RC3H1: variants seen among roughly 807,000 people sequenced by gnomAD.
RC3H1 encodes the protein ring finger and CCCH-type domains 1.
Under a neutral mutation model 138.2 loss-of-function variants are expected in RC3H1, and 50 were observed. That is an observed-to-expected ratio of 0.36 (90% CI 0.29 to 0.46). RC3H1 has a LOEUF of 0.46. Among genes scored for constraint, RC3H1 ranks in the 20% least tolerant of loss-of-function variants. RC3H1 has a pLI of 1.00. For missense variants in RC3H1, 1,031 were observed against 1,388.1 expected (o/e 0.74, Z 4.09); for synonymous variants, 462 against 489.1 (o/e 0.94, Z 0.73).
Position 173,931,417 on chromosome 1 carries a change from A to G in RC3H1, c.*7304T>C, listed in dbSNP as rs1466076019. The G allele has an allele frequency of 6.6e-6, 1 of 152,232 alleles. No homozygotes were observed. Among genetic ancestry groups the G allele is most frequent in the Non-Finnish European group, 1.5e-5 (1 of 68,036 alleles). 9.4% of individuals were successfully genotyped at this position (152,232 alleles called of 1,614,324 possible). A position where few individuals can be genotyped will look rare whatever the true frequency, so the allele number is the denominator to read the frequency against. On this transcript the variant is annotated 3_prime_UTR_variant, in exon 20 of 20. Transcript: ENST00000367696. Reference sequence around the variant, plus strand: ...AGTCAGTTTCCAAGGTAATAAAGGAAATAGCATTTTAACAAAATGGGCATC... The same window carrying G: ...AGTCAGTTTCCAAGGTAATAAAGGAGATAGCATTTTAACAAAATGGGCATC...
rs192756081 is a variant in RC3H1, at chr1:173,951,621, C to T, written c.2523+365G>A. Among the ~76,000 whole-genome samples, 644 of 152,192 alleles carry T rather than the reference C, an allele frequency of 4.2e-3. 4 individuals carry two copies. The highest frequency in any genetic ancestry group is 4.6e-3 in the South Asian group (22 of 4,826). Reference sequence around the variant, plus strand: ...AGTGGCACGATCTTGGCTCACTGCACGCTCTGGCCTCCCGGGTTCATGCCA... The same window carrying T: ...AGTGGCACGATCTTGGCTCACTGCATGCTCTGGCCTCCCGGGTTCATGCCA... On this transcript the variant is annotated intron_variant, in intron 14 of 19. Transcript: ENST00000367696.
At chr1:173,971,117 G>A (rs948038584) in intron 8 of RC3H1, among the ~76,000 whole-genome samples, 5 of 151,558 alleles carry the variant, frequency 3.3e-5, no homozygotes, top group Non-Finnish European at 5.9e-5. Context: ...GTCCACCACC[G>A]CACCTGGCTA....
At position 173,938,664 on chromosome 1, in the gene RC3H1, C is replaced by G; in HGVS notation, c.*57G>C. The stretch of plus-strand genomic sequence containing the variant: ...AGTTTAGAAGTTATGCGTTCTCCTA[C>G]CCCTATGCCCGACAAACTGATTAGG... On this transcript the variant is annotated 3_prime_UTR_variant, in exon 20 of 20. Coordinates refer to ENST00000367696, the MANE Select transcript of RC3H1 (RefSeq NM_172071.4). The G allele has an allele frequency of 7.4e-7, 1 of 1,343,396 alleles. No homozygotes were observed. The highest frequency in any genetic ancestry group is 1.5e-5 in the African/African-American group (1 of 67,950). 83.2% of individuals were successfully genotyped at this position (1,343,396 alleles called of 1,614,324 possible).
intron 2 of RC3H1, among the ~76,000 whole-genome samples, chr1:173,987,019 G>A (rs560058588): frequency 6.6e-6 from 1 of 152,140 alleles, no homozygotes; most frequent in East Asian, 1.9e-4. Context: ...GAGTATATTG[G>A]GGTTATGGAT....
chr1:173,975,698 A>G (rs1660546524), intron 7 of RC3H1, among the ~76,000 whole-genome samples: 1 of 103,652 alleles, frequency 9.6e-6, no homozygotes, highest in African/African-American at 8.5e-5. Context: ...GGAGATCGAG[A>G]CCATCCTGGC....
chr1:173,961,819 G>C lies in RC3H1; in HGVS notation c.2108C>G (p.Ser703Trp). 6.2e-7 allele frequency: 1 copy of C among 1,613,814 alleles called. No homozygotes were observed. Among genetic ancestry groups the C allele is most frequent in the Non-Finnish European group, 8.5e-7 (1 of 1,179,988 alleles). Residue 703 changes from serine to tryptophan, a missense_variant, in exon 12 of 20, where the codon TCG becomes TGG. Coordinates refer to ENST00000367696, the MANE Select transcript of RC3H1 (RefSeq NM_172071.4). Reference sequence around the variant, plus strand: ...TCTTTCTCTGGATTCTGGTACATACGATGGTACTGCTGCAGGTGGAATCTC... The same window carrying C: ...TCTTTCTCTGGATTCTGGTACATACCATGGTACTGCTGCAGGTGGAATCTC... The part of the protein sequence containing the change: ...PIEIPPAAVP[S>W]YVPESRERYQ...
At chr1:173,981,948 T>C (rs992559927) in intron 5 of RC3H1, among the ~76,000 whole-genome samples, 3 of 151,590 alleles carry the variant, frequency 2.0e-5, no homozygotes, top group South Asian at 2.1e-4. Flanking sequence ...AAATGATACA[T>C]AGTGAGTAGC....
Position 173,937,538 on chromosome 1 carries a change from C to T in RC3H1, c.*1183G>A, listed in dbSNP as rs1210720630. Reference sequence around the variant, plus strand: ...AGAATTAAAAAAAAAAAAAACCTTACTCTTTTCAATATTTTCATGAAGAAA... The same window carrying T: ...AGAATTAAAAAAAAAAAAAACCTTATTCTTTTCAATATTTTCATGAAGAAA... On this transcript the variant is annotated 3_prime_UTR_variant, in exon 20 of 20. Transcript: ENST00000367696. 1 of 151,874 alleles carries T rather than the reference C, an allele frequency of 6.6e-6. No homozygotes were observed. The highest frequency in any genetic ancestry group is 1.5e-5 in the Non-Finnish European group (1 of 67,908). 9.4% of individuals were successfully genotyped at this position (151,874 alleles called of 1,614,324 possible).
intron 14 of RC3H1, among the ~76,000 whole-genome samples, chr1:173,951,740 G>C (rs1391115912): frequency 6.6e-6 from 1 of 151,820 alleles, no homozygotes; most frequent in African/African-American, 2.4e-5. Flanking sequence ...ATAAACAATT[G>C]TTGAGAAATT....
Position 173,983,506 on chromosome 1 carries a change from C to T in RC3H1, c.504G>A (p.Glu168=). Residue 168 remains glutamate, a synonymous_variant, in exon 4 of 20, where the codon GAG becomes GAA. Coordinates refer to ENST00000367696, the MANE Select transcript of RC3H1 (RefSeq NM_172071.4). The part of the protein sequence containing the change: ...ARSLGERTVT[E]LILQHQNPQQ... ...GAGGATTCTGGTGCTGGAGAATGAGCTCTGTAACTGTTCGTTCACCTAAAG... is the reference window on the plus strand; with the variant it reads ...GAGGATTCTGGTGCTGGAGAATGAGTTCTGTAACTGTTCGTTCACCTAAAG... The T allele has an allele frequency of 1.9e-6, 3 of 1,614,202 alleles. No homozygotes were observed. The highest frequency in any genetic ancestry group is 2.5e-6 in the Non-Finnish European group (3 of 1,180,036).
rs1327825750 is a variant in RC3H1, at chr1:173,952,013, A to G, written c.2496T>C (p.Val832=). The change falls in exon 14 of 20, where the codon GTT becomes GTC. Residue 832 remains valine (V), a synonymous_variant. Coordinates refer to ENST00000367696, the MANE Select transcript of RC3H1 (RefSeq NM_172071.4). ...TCATTTCCACACTCCCTGCTGCCAC[A>G]ACATCTTTGGGTTTTGCATCTTTGG... ...IGTKDAKPKD[V]VAAGSVEMMN... is the part of the protein sequence containing the mutation. 6.2e-7 allele frequency: 1 copy of G among 1,608,910 alleles called. No homozygotes were observed. Among genetic ancestry groups the G allele is most frequent in the Non-Finnish European group, 8.5e-7 (1 of 1,177,426 alleles).
intron 7 of RC3H1, among the ~76,000 whole-genome samples, chr1:173,978,121 A>G (rs1660661313): frequency 6.6e-6 from 1 of 152,196 alleles, no homozygotes; most frequent in Non-Finnish European, 1.5e-5. Flanking sequence ...CAAAAACAGG[A>G]TCAAGGAAAT....
chr1:173,958,193 A>T (rs1659725390), intron 13 of RC3H1, among the ~76,000 whole-genome samples: 1 of 152,194 alleles, frequency 6.6e-6, no homozygotes, highest in Non-Finnish European at 1.5e-5. Context: ...AAAAAATACA[A>T]ACTATAAGCT....
chr1:173,983,372 C>CTTTTA (rs758698642), intron 4 of RC3H1, 46 bp downstream of exon 4: 2 of 1,604,010 alleles, frequency 1.2e-6, no homozygotes, highest in Non-Finnish European at 1.7e-6. Context: ...CTACATCATA[C>CTTTTA]TTTTAGAATT....
At chr1:173,955,596 G>A (rs1002441328) in intron 13 of RC3H1, among the ~76,000 whole-genome samples, 4 of 151,934 alleles carry the variant, frequency 2.6e-5, no homozygotes, top group Non-Finnish European at 5.9e-5. Context: ...TGGGATTACA[G>A]GTGTGAGCCA....
chr1:173,949,135 G>GGT (rs1659271896), intron 14 of RC3H1, among the ~76,000 whole-genome samples: 1 of 100,634 alleles, frequency 9.9e-6, no homozygotes, highest in African/African-American at 3.3e-5. Context: ...TTTTTGGGGG[G>GGT]GGGGGTGGGG....
chr1:173,977,692 C>G (rs1003138711), intron 7 of RC3H1, among the ~76,000 whole-genome samples: 26 of 152,236 alleles, frequency 1.7e-4, no homozygotes, highest in African/African-American at 6.0e-4. Context: ...ACCATCAGAG[C>G]ATGTAGAGAA....
intron 9 of RC3H1, among the ~76,000 whole-genome samples, chr1:173,966,778 T>C (rs554383824): frequency 6.6e-6 from 1 of 152,186 alleles, no homozygotes; most frequent in South Asian, 2.1e-4. Flanking sequence ...ATAATGCTAT[T>C]TTTCCACGTT....
chr1:173,964,116 G>A lies in RC3H1; in HGVS notation c.1688C>T (p.Ala563Val). ...NPHSIPPRGP[A>V]DLPPMPVTKP... ...GGTAACAGGCATTGGAGGCAGATCT[G>A]CTGGCCCCCTTGGAGGTATAGAATG... Residue 563 changes from alanine to valine, a missense_variant, in exon 11 of 20, where the codon GCA becomes GTA. Physicochemically the swap from Ala to Val is moderately conservative, Grantham distance 64. Coordinates refer to ENST00000367696, the MANE Select transcript of RC3H1 (RefSeq NM_172071.4). 1.9e-6 allele frequency: 3 copies of A among 1,614,082 alleles called. No individual in the cohort carries two copies. The highest frequency in any genetic ancestry group is 1.7e-5 in the Admixed American group (1 of 60,014).
Sources: gnomAD v4.1 joint callset for allele counts (sites outside exome capture counted in the v4.1 genomes callset) on GRCh38, gnomAD v4.1.1 for gene constraint, MANE v1.5 for transcripts, NCBI Gene and HGNC (gene_info 2026-07-23, HGNC 2026-07-21) for gene names.